INTS4: variants seen among roughly 807,000 people sequenced by gnomAD.
INTS4 encodes the protein MSTP093.
Under a neutral mutation model 119.5 loss-of-function variants are expected in INTS4, and 70 were observed. The observed-to-expected ratio is 0.59, with a 90% CI of 0.48 to 0.71. The LOEUF is 0.71. Among genes scored for constraint, INTS4 ranks in the 30% least tolerant of loss-of-function variants. The pLI, the probability that INTS4 is intolerant of heterozygous loss-of-function variation, is 0.00. For synonymous variants in INTS4, 316 were observed against 419.6 expected (o/e 0.75, Z 3.02); for missense variants, 867 against 1,173.2 (o/e 0.74, Z 3.81).
intron 4 of INTS4, among the ~76,000 whole-genome samples, chr11:77,970,623 G>A (rs1363178663): frequency 6.6e-6 from 1 of 151,760 alleles, no homozygotes; most frequent in African/African-American, 2.4e-5. Flanking sequence ...GAGCTCAGGA[G>A]TTCAAGACCA....
At chr11:77,939,990 A>C (rs908328179) in intron 9 of INTS4, among the ~76,000 whole-genome samples, 2 of 152,138 alleles carry the variant, frequency 1.3e-5, no homozygotes, top group African/African-American at 4.8e-5. Flanking sequence ...CCTTATCAAA[A>C]ATTCTACAAC....
downstream of INTS4, chr11:77,878,573 GA>G: frequency 1.9e-6 from 1 of 520,780 alleles, no homozygotes; most frequent in Admixed American, 3.6e-5. Flanking sequence ...GTCACTTTAA[GA>G]AATAAGACTA....
At chr11:77,961,684 C>G (rs1458928807) in intron 4 of INTS4, among the ~76,000 whole-genome samples, 1 of 152,180 alleles carries the variant, frequency 6.6e-6, no homozygotes, top group Non-Finnish European at 1.5e-5. Context: ...ATCCTGACTT[C>G]TAACACACAG....
chr11:77,904,561 A>G (rs1021382231), intron 16 of INTS4, among the ~76,000 whole-genome samples: 34 of 152,226 alleles, frequency 2.2e-4, no homozygotes, highest in African/African-American at 8.0e-4. Context: ...TGGACTAACA[A>G]CTTTTTGAGT....
At chr11:77,876,928 G>A (rs1423914883), downstream of INTS4, 1 of 702,616 alleles carries the variant, frequency 1.4e-6, no homozygotes, top group Non-Finnish European at 2.6e-6. Flanking sequence ...CAGCAGCCAT[G>A]GTTCTTCATG....
In INTS4 at chr11:77,897,992, T is replaced by A. The variant is rs1336225673; in HGVS notation, c.2228+3429A>T. 3.3e-5 allele frequency among the ~76,000 whole-genome samples: 5 copies of A among 151,994 alleles called. No homozygotes were observed. In the East Asian group the frequency reaches 7.7e-4, roughly 23 times the overall value. On this transcript the variant is annotated intron_variant, in intron 18 of 22. Transcript: ENST00000534064. ...GTCCAGCTAATTTTTGATTTTTATT[T>A]TTTAGAGACAGGGTCTCATTATGTT... is the stretch of plus-strand genomic sequence containing the variant.
chr11:77,913,307 AT>A (rs565622764), intron 15 of INTS4, among the ~76,000 whole-genome samples: 17,775 of 122,714 alleles, frequency 0.14, 777 homozygotes, highest in African/African-American at 0.23. Flanking sequence ...GTTAGTTTAA[AT>A]TTTTTTTTTT....
At chr11:77,974,522 T>TGA (rs1422829514) in intron 4 of INTS4, among the ~76,000 whole-genome samples, 2 of 151,492 alleles carry the variant, frequency 1.3e-5, no homozygotes, top group African/African-American at 2.4e-5. Flanking sequence ...ATTACAGGTG[T>TGA]GAGCCACTGC....
At chr11:77,916,048 C>T (rs1461516128) in intron 15 of INTS4, among the ~76,000 whole-genome samples, 1 of 152,164 alleles carries the variant, frequency 6.6e-6, no homozygotes, top group Non-Finnish European at 1.5e-5. Context: ...CTGGATATTC[C>T]ACCTAGTCTG....
intron 15 of INTS4, among the ~76,000 whole-genome samples, chr11:77,910,624 T>C (rs1953069525): frequency 6.6e-6 from 1 of 151,890 alleles, no homozygotes; most frequent in Non-Finnish European, 1.5e-5. Flanking sequence ...AAAAAAAAAA[T>C]TTAGTTTTTT....
chr11:77,927,230 G>A (rs567598822), intron 11 of INTS4, among the ~76,000 whole-genome samples: 62 of 152,240 alleles, frequency 4.1e-4, no homozygotes, highest in Non-Finnish European at 6.8e-4. Context: ...TATGTATGAG[G>A]CCACCCATGA....
intron 8 of INTS4, among the ~76,000 whole-genome samples, chr11:77,946,657 A>T (rs1019296541): frequency 4.6e-5 from 7 of 152,060 alleles, no homozygotes; most frequent in Admixed American, 4.6e-4. Context: ...GCTACTCAGC[A>T]GGCTGAGGTG....
chr11:77,924,317 C>G (rs1351036043), intron 12 of INTS4: 1 of 152,688 alleles, frequency 6.5e-6, no homozygotes, highest in Non-Finnish European at 1.5e-5. Context: ...AGGAGAATCG[C>G]TTGAACCCAG....
chr11:77,894,934 A>T (rs1028581217), intron 18 of INTS4, among the ~76,000 whole-genome samples: 3 of 152,168 alleles, frequency 2.0e-5, no homozygotes, highest in Non-Finnish European at 4.4e-5. Context: ...CATTTTTTCC[A>T]TAGCGGTATA....
chr11:77,964,682 A>G (rs1312498180), intron 4 of INTS4, among the ~76,000 whole-genome samples: 1 of 152,018 alleles, frequency 6.6e-6, no homozygotes, highest in South Asian at 2.1e-4. Context: ...ATAAAGCAGG[A>G]GACAAATGGA....
intron 11 of INTS4, among the ~76,000 whole-genome samples, chr11:77,925,244 A>G (rs1953467779): frequency 6.6e-6 from 1 of 152,236 alleles, no homozygotes; most frequent in Non-Finnish European, 1.5e-5. Flanking sequence ...CAGAACACAC[A>G]TACTTATTAA....
intron 2 of INTS4, chr11:77,987,381 TAAATA>T: frequency 5.0e-6 from 1 of 199,242 alleles, no homozygotes; most frequent in Non-Finnish European, 1.1e-5. Context: ...TCACCAGGAT[TAAATA>T]AAATATTACA....
At chr11:77,975,366 C>T (rs1855904545) in intron 4 of INTS4, among the ~76,000 whole-genome samples, 7 of 152,048 alleles carry the variant, frequency 4.6e-5, no homozygotes, top group Admixed American at 4.6e-4. Flanking sequence ...TTAATTTCCA[C>T]ATTTGTGGGT....
rs566171063 is a variant in INTS4, at chr11:77,933,667, G to A, written c.1165+4984C>T. On this transcript the variant is annotated intron_variant, in intron 10 of 22. Coordinates refer to ENST00000534064, the MANE Select transcript of INTS4 (RefSeq NM_033547.4). ...CCACCCCGTCTGGGAAGTGAAGAGC[G>A]TCTCTGCCTGGCCGCCCATCATCTG... 1.1e-4 allele frequency among the ~76,000 whole-genome samples: 16 copies of A among 152,108 alleles called. No individual in the cohort carries two copies. In the East Asian group the frequency reaches 1.2e-3, roughly 11 times the overall value.
Sources: allele counts gnomAD v4.1 joint callset (sites outside exome capture counted in the v4.1 genomes callset), GRCh38; gene constraint gnomAD v4.1.1; transcripts MANE v1.5; gene names NCBI Gene and HGNC (gene_info 2026-07-23, HGNC 2026-07-21).